SLC25A21: variants seen among roughly 807,000 people sequenced by gnomAD.
SLC25A21 encodes the protein mitochondrial 2-oxodicarboxylate carrier.
Under a neutral mutation model 43.8 loss-of-function variants are expected in SLC25A21, and 47 were observed. The observed-to-expected ratio is 1.07, with a 90% CI of 0.85 to 1.37. The LOEUF (loss-of-function observed/expected upper bound fraction) is 1.37. SLC25A21 is among the 40% of genes most tolerant of loss of function. The pLI is 0.00. For synonymous variants in SLC25A21, 131 were observed against 121.3 expected (o/e 1.08, Z -0.52); for missense variants, 352 against 350.2 (o/e 1.00, Z -0.04).
At chr14:36,794,469 T>C (rs1051057342) in intron 3 of SLC25A21, among the ~76,000 whole-genome samples, 7 of 152,042 alleles carry the variant, frequency 4.6e-5, no homozygotes, top group Admixed American at 2.6e-4. Flanking sequence ...ATTGATGATA[T>C]ATATATAAAC....
intron 2 of SLC25A21, among the ~76,000 whole-genome samples, chr14:36,827,129 T>C (rs1320703746): frequency 6.6e-6 from 1 of 152,250 alleles, no homozygotes; most frequent in African/African-American, 2.4e-5. Context: ...CTGTGCTTTT[T>C]ATGTTTGTTT....
intron 7 of SLC25A21, among the ~76,000 whole-genome samples, chr14:36,688,632 C>A (rs1566496345): frequency 6.6e-6 from 1 of 152,202 alleles, no homozygotes; most frequent in Non-Finnish European, 1.5e-5. Flanking sequence ...CATTTCCAGC[C>A]TTTCTCTTGG....
intron 1 of SLC25A21, among the ~76,000 whole-genome samples, chr14:37,005,381 A>G (rs1412033188): frequency 1.3e-5 from 2 of 152,160 alleles, no homozygotes. Flanking sequence ...CCAATGTGCC[A>G]TCTTGTTCCG....
chr14:37,027,292 A>G (rs1961113952), intron 1 of SLC25A21, among the ~76,000 whole-genome samples: 1 of 152,112 alleles, frequency 6.6e-6, no homozygotes, highest in African/African-American at 2.4e-5. Context: ...TTGAATTCAA[A>G]TTTCCTATCT....
At chr14:36,790,385 G>C (rs752606808) in intron 3 of SLC25A21, among the ~76,000 whole-genome samples, 2 of 151,874 alleles carry the variant, frequency 1.3e-5, no homozygotes, top group South Asian at 4.1e-4. Context: ...TTCTGCCTTC[G>C]AAGTTCTGCC....
intron 1 of SLC25A21, among the ~76,000 whole-genome samples, chr14:37,144,782 G>T (rs61988262): frequency 4.0e-5 from 1 of 24,794 alleles, no homozygotes; most frequent in Non-Finnish European, 3.7e-4. Context: ...AAGTTGTTTT[G>T]GGTTTTTTTT....
chr14:36,711,622 G>T (rs1271140558), intron 6 of SLC25A21, 140 bp from the exon 7 acceptor site: 13 of 903,862 alleles, frequency 1.4e-5, no homozygotes, highest in East Asian at 6.1e-5. Context: ...CTAGAACTGT[G>T]TTTTTTAAAA....
At chr14:36,708,399 C>T (rs1883669185) in intron 7 of SLC25A21, among the ~76,000 whole-genome samples, 1 of 152,132 alleles carries the variant, frequency 6.6e-6, no homozygotes, top group Non-Finnish European at 1.5e-5. Context: ...TGCTGGTTGA[C>T]ATTTCACTGA....
intron 1 of SLC25A21, among the ~76,000 whole-genome samples, chr14:37,036,427 G>A (rs993531654): frequency 3.3e-5 from 5 of 151,448 alleles, no homozygotes; most frequent in Admixed American, 6.6e-5. Context: ...AAAACTTAGC[G>A]CAACATGTTA....
At position 37,053,446 on chromosome 14, in the gene SLC25A21, G is replaced by T. The variant is rs151265835; in HGVS notation, c.70+118835C>A. Among the ~76,000 whole-genome samples, 835 of 152,164 alleles carry T rather than the reference G, an allele frequency of 5.5e-3. 7 individuals carry two copies. The highest frequency in any genetic ancestry group is 0.014 in the African/African-American group (596 of 41,514). The stretch of plus-strand genomic sequence containing the variant: ...ACTAAGACCAAATAAGAGTTAAAAG[G>T]GCAGGTTAAAAGGAAAGAAAGGTTA... On this transcript the variant is annotated intron_variant, in intron 1 of 9. Coordinates refer to ENST00000331299, the MANE Select transcript of SLC25A21 (RefSeq NM_030631.4).
At chr14:37,012,352 C>A (rs1038865412) in intron 1 of SLC25A21, among the ~76,000 whole-genome samples, 3 of 152,106 alleles carry the variant, frequency 2.0e-5, no homozygotes, top group Non-Finnish European at 4.4e-5. Context: ...ATGTTATTCA[C>A]ATATTCCATC....
intron 1 of SLC25A21, among the ~76,000 whole-genome samples, chr14:37,069,893 G>T (rs1049855315): frequency 4.6e-5 from 7 of 152,144 alleles, no homozygotes; most frequent in South Asian, 2.1e-4. Flanking sequence ...CAACATGGTG[G>T]TCTATGAAAA....
intron 2 of SLC25A21, among the ~76,000 whole-genome samples, chr14:36,843,473 T>C (rs1431786597): frequency 6.6e-6 from 1 of 152,224 alleles, no homozygotes; most frequent in African/African-American, 2.4e-5. Context: ...AGGTAAATAT[T>C]ATAAATCTCA....
intron 2 of SLC25A21, among the ~76,000 whole-genome samples, chr14:36,873,387 C>T (rs1253759130): frequency 6.6e-6 from 1 of 152,062 alleles, no homozygotes; most frequent in Non-Finnish European, 1.5e-5. Context: ...CCTCTACCTC[C>T]CGGGTTCAAG....
In SLC25A21 at chr14:36,781,862, A is replaced by C. The variant is rs561622398; in HGVS notation, c.203+32056T>G. Among the ~76,000 whole-genome samples, 3 of 152,308 alleles carry C rather than the reference A, an allele frequency of 2.0e-5. No individual in the cohort carries two copies. The South Asian group carries it at 6.2e-4, about 32-fold the overall frequency. On this transcript the variant is annotated intron_variant, in intron 3 of 9. Coordinates refer to ENST00000331299, the MANE Select transcript of SLC25A21 (RefSeq NM_030631.4). ...TTATACTTTCATATGTTTTCATGTT[A>C]CTAATTAACATCCTTTTATTTAATC...
At chr14:37,075,509 C>T (rs947071270) in intron 1 of SLC25A21, among the ~76,000 whole-genome samples, 4 of 152,122 alleles carry the variant, frequency 2.6e-5, no homozygotes, top group African/African-American at 9.7e-5. Flanking sequence ...ATGATACACA[C>T]ACCAAACTAT....
intron 6 of SLC25A21, 114 bp downstream of exon 6, chr14:36,725,456 C>A: frequency 2.2e-6 from 1 of 455,766 alleles, no homozygotes; most frequent in African/African-American, 2.2e-5. Context: ...GCCTGGGCAA[C>A]AAGAGCAAAA....
chr14:36,926,576 G>C (rs1175451604), intron 1 of SLC25A21, among the ~76,000 whole-genome samples: 1 of 152,092 alleles, frequency 6.6e-6, no homozygotes, highest in Non-Finnish European at 1.5e-5. Context: ...GCAGGTAAAA[G>C]AAAGCAGAGA....
chr14:36,716,185 G>C (rs988539375), intron 6 of SLC25A21, among the ~76,000 whole-genome samples: 3 of 152,058 alleles, frequency 2.0e-5, no homozygotes, highest in Non-Finnish European at 2.9e-5. Flanking sequence ...CTTATATGTA[G>C]AATCCAAAAC....
Sources: gnomAD v4.1 joint callset for allele counts (sites outside exome capture counted in the v4.1 genomes callset) on GRCh38, gnomAD v4.1.1 for gene constraint, MANE v1.5 for transcripts, NCBI Gene and HGNC (gene_info 2026-07-23, HGNC 2026-07-21) for gene names.